The following MACROD2 variants were observed in gnomAD, a reference collection of about 807,000 sequenced individuals.
MACROD2 encodes ADP-ribose glycohydrolase MACROD2.
MACROD2 carries 36 observed loss-of-function variants against 70.4 expected under a neutral mutation model. The observed-to-expected ratio is 0.51, with a 90% CI of 0.39 to 0.68. The LOEUF (loss-of-function observed/expected upper bound fraction) is 0.68. Among genes scored for constraint, MACROD2 ranks in the 30% least tolerant of loss-of-function variants. The pLI, the probability that MACROD2 is intolerant of heterozygous loss-of-function variation, is 0.00. For missense variants in MACROD2, 496 were observed against 538.4 expected, an observed-to-expected ratio of 0.92 and a Z score of 0.78; for synonymous variants, 172 against 178.8, an observed-to-expected ratio of 0.96 and a Z score of 0.30.
At chr20:15,772,097 A>ATATATAT (rs1305604286) in intron 8 of MACROD2, among the ~76,000 whole-genome samples, 26 of 93,408 alleles carry the variant, frequency 2.8e-4, no homozygotes, top group South Asian at 2.3e-3. Flanking sequence ...AAAAAAAAAA[A>ATATATAT]AAAAATATAT....
At chr20:15,461,733 A>C (rs1234886520) in intron 7 of MACROD2, among the ~76,000 whole-genome samples, 1 of 152,210 alleles carries the variant, frequency 6.6e-6, no homozygotes, top group African/African-American at 2.4e-5. Flanking sequence ...TGGTCCTCAG[A>C]AAATATCTAT....
chr20:14,018,187 A>G (rs374782066), intron 2 of MACROD2, among the ~76,000 whole-genome samples: 5 of 152,178 alleles, frequency 3.3e-5, no homozygotes, highest in Non-Finnish European at 4.4e-5. Flanking sequence ...TTCTTAATCA[A>G]TACAGCTAAA....
intron 10 of MACROD2, among the ~76,000 whole-genome samples, chr20:15,889,115 T>C (rs2147216043): frequency 6.6e-6 from 1 of 152,270 alleles, no homozygotes; most frequent in Admixed American, 6.5e-5. Flanking sequence ...GTAAATTAAC[T>C]CTCTGGGTAA....
At chr20:15,919,178 G>T (rs540887814) in intron 10 of MACROD2, among the ~76,000 whole-genome samples, 1 of 152,136 alleles carries the variant, frequency 6.6e-6, no homozygotes, top group Non-Finnish European at 1.5e-5. Context: ...CAAATTGACC[G>T]ATTTGGCAGA....
At chr20:15,709,272 T>TC in intron 8 of MACROD2, among the ~76,000 whole-genome samples, 1 of 152,330 alleles carries the variant, frequency 6.6e-6, no homozygotes, top group Admixed American at 6.5e-5. Flanking sequence ...TTTTCCAGGC[T>TC]CCCGCTATCT....
chr20:14,978,623 C>T (rs1443950523), intron 5 of MACROD2, among the ~76,000 whole-genome samples: 1 of 58,444 alleles, frequency 1.7e-5, no homozygotes, highest in Non-Finnish European at 3.5e-5. Flanking sequence ...TATTTCCCAA[C>T]CCCCCCACCC....
chr20:14,384,169 A>G (rs916338304), intron 3 of MACROD2, among the ~76,000 whole-genome samples: 10 of 152,160 alleles, frequency 6.6e-5, no homozygotes, highest in Non-Finnish European at 2.9e-5. Flanking sequence ...TCTGATGACT[A>G]CAGTCTAGTT....
intron 5 of MACROD2, among the ~76,000 whole-genome samples, chr20:14,897,202 T>C (rs2073840669): frequency 6.6e-6 from 1 of 152,170 alleles, no homozygotes; most frequent in Admixed American, 6.5e-5. Flanking sequence ...AGATACTTTC[T>C]ATGGACTGAC....
intron 5 of MACROD2, among the ~76,000 whole-genome samples, chr20:14,960,502 A>G (rs1278405150): frequency 2.0e-5 from 3 of 152,216 alleles, no homozygotes; most frequent in Admixed American, 6.5e-5. Flanking sequence ...AATAATGAAA[A>G]GAGGGTTTTC....
intron 6 of MACROD2, among the ~76,000 whole-genome samples, chr20:15,247,115 G>A (rs1568666157): frequency 8.5e-5 from 13 of 152,192 alleles, no homozygotes. Flanking sequence ...GAATTAAATA[G>A]TGATGATGAT....
intron 3 of MACROD2, among the ~76,000 whole-genome samples, chr20:14,377,216 G>C (rs2083380095): frequency 6.6e-6 from 1 of 152,200 alleles, no homozygotes; most frequent in Admixed American, 6.5e-5. Context: ...AGTAAAGCAA[G>C]ATGTAGCTTG....
intron 8 of MACROD2, among the ~76,000 whole-genome samples, chr20:15,515,406 T>G (rs780982049): frequency 1.7e-4 from 26 of 152,220 alleles, no homozygotes; most frequent in Non-Finnish European, 3.2e-4. Context: ...CTCTTGAGAT[T>G]ACAGAGTAAA....
chr20:15,579,192 G>A (rs76967333), intron 8 of MACROD2, among the ~76,000 whole-genome samples: 1,948 of 152,232 alleles, frequency 0.013, 43 homozygotes, highest in African/African-American at 0.044. Flanking sequence ...CATCTTGCCT[G>A]TCTAGAGCAG....
intron 8 of MACROD2, among the ~76,000 whole-genome samples, chr20:15,516,253 G>T (rs1419817765): frequency 6.6e-6 from 1 of 151,976 alleles, no homozygotes; most frequent in Non-Finnish European, 1.5e-5. Context: ...TAATTGTCAT[G>T]TATTTCCATA....
intron 5 of MACROD2, chr20:14,757,537 T>G: frequency 1.3e-6 from 1 of 750,338 alleles, no homozygotes; most frequent in Non-Finnish European, 2.3e-6. Flanking sequence ...ATCTAGGCCC[T>G]GGCCCCGGAC....
intron 3 of MACROD2, among the ~76,000 whole-genome samples, chr20:14,183,425 T>C (rs2081320437): frequency 6.6e-6 from 1 of 152,174 alleles, no homozygotes; most frequent in Admixed American, 6.5e-5. Context: ...TTATCTAGTC[T>C]ATCACTGATG....
intron 5 of MACROD2, among the ~76,000 whole-genome samples, chr20:14,890,996 TCCCTC>T (rs1600775932): frequency 7.4e-6 from 1 of 134,248 alleles, no homozygotes; most frequent in African/African-American, 2.7e-5. Context: ...CCTTCCTCCC[TCCCTC>T]CCTCCCTTCC....
intron 3 of MACROD2, among the ~76,000 whole-genome samples, chr20:14,420,694 A>T (rs1277559876): frequency 6.6e-6 from 1 of 152,038 alleles, no homozygotes; most frequent in Non-Finnish European, 1.5e-5. Flanking sequence ...AATCTCTTGA[A>T]AATGTTCTTT....
intron 5 of MACROD2, among the ~76,000 whole-genome samples, chr20:14,817,865 A>T (rs886662363): frequency 6.6e-6 from 1 of 152,272 alleles, no homozygotes; most frequent in East Asian, 1.9e-4. Context: ...CCAGCCTGCC[A>T]TGCAAAAGGA....
Sources: allele counts gnomAD v4.1 joint callset (sites outside exome capture counted in the v4.1 genomes callset), GRCh38; gene constraint gnomAD v4.1.1; transcripts MANE v1.5; gene names NCBI Gene and HGNC (gene_info 2026-07-23, HGNC 2026-07-21).